The following SLC17A1 variants were observed in gnomAD, a reference collection of about 807,000 sequenced individuals.
SLC17A1 encodes the protein solute carrier family 17 member 1, also known as sodium-dependent phosphate transport protein 1.
SLC17A1 carries 51 observed loss-of-function variants against 53.5 expected under a neutral mutation model. The observed-to-expected ratio is 0.95, with a 90% CI of 0.76 to 1.20. The LOEUF is 1.20. Among genes scored for constraint, SLC17A1 ranks in the 50% most tolerant of loss-of-function variants. The pLI is 0.00. For missense variants in SLC17A1, 538 were observed against 568.2 expected, an observed-to-expected ratio of 0.95 and a Z score of 0.54; for synonymous variants, 179 against 198.8, an observed-to-expected ratio of 0.90 and a Z score of 0.84.
At position 25,819,608 on chromosome 6, in the gene SLC17A1, G is replaced by T. The variant is rs1561840423; in HGVS notation, c.442-10C>A. ...CTGTTGCAACTATCCCCTGAAATGA[G>T]AAAGGTTTGACATTTAATCTCTAAT... On this transcript the variant is annotated splice_polypyrimidine_tract_variant and intron_variant, in intron 4 of 12. Transcript: ENST00000244527. The T allele has an allele frequency of 1.2e-6, 2 of 1,613,362 alleles. No homozygotes were observed. Among genetic ancestry groups the T allele is most frequent in the African/African-American group, 2.7e-5 (2 of 75,024 alleles).
At chr6:25,725,018 A>AGGT in the SLC17A1 span, among the ~76,000 whole-genome samples, 1 of 142,066 alleles carries the variant, frequency 7.0e-6, no homozygotes, top group South Asian at 2.2e-4. Context: ...TAACCAAATG[A>AGGT]TTTTTTTTTT....
the SLC17A1 span, among the ~76,000 whole-genome samples, chr6:25,766,064 AT>A: frequency 6.6e-6 from 1 of 151,208 alleles, no homozygotes; most frequent in Non-Finnish European, 1.5e-5. Context: ...AGGAATTATA[AT>A]TTATAATTAT....
the SLC17A1 span, among the ~76,000 whole-genome samples, chr6:25,763,850 A>G: frequency 6.6e-6 from 1 of 152,218 alleles, no homozygotes; most frequent in East Asian, 1.9e-4. Context: ...CTTTTCCCCC[A>G]GAAGTCCATG....
chr6:25,769,309 G>A, the SLC17A1 span: 1 of 964,616 alleles, frequency 1.0e-6, no homozygotes, highest in Non-Finnish European at 1.5e-6. Flanking sequence ...TATGTGCCAG[G>A]AATGGCACAA....
Position 25,798,880 on chromosome 6 carries a change from C to A in SLC17A1, c.1309G>T (p.Ala437Ser). 6.2e-7 allele frequency: 1 copy of A among 1,604,698 alleles called. No homozygotes were observed. The highest frequency in any genetic ancestry group is 8.5e-7 in the Non-Finnish European group (1 of 1,173,720). Residue 437 changes from alanine to serine, a missense_variant, in exon 12 of 13, where the codon GCA becomes TCA. Ala to Ser is a moderately conservative substitution (Grantham distance 99). Coordinates refer to ENST00000244527, the MANE Select transcript of SLC17A1 (RefSeq NM_005074.5). ...ATTAGGCCAGTCACATTAATGGCTG[C>A]CATCAGGATGAAGGTTTTAAACCAG... The part of the protein sequence containing the change: ...SAWFKTFILM[A>S]AINVTGLIFY...
chr6:25,766,243 G>A, the SLC17A1 span, among the ~76,000 whole-genome samples: 1 of 151,330 alleles, frequency 6.6e-6, no homozygotes, highest in Admixed American at 6.6e-5. Flanking sequence ...AAACAACTAA[G>A]AAATGAAGAA....
At chr6:25,820,708 G>A (rs1004349226) in intron 3 of SLC17A1, among the ~76,000 whole-genome samples, 3 of 151,796 alleles carry the variant, frequency 2.0e-5, no homozygotes, top group African/African-American at 4.8e-5. Context: ...GTGAAACCCC[G>A]TCTCTACTAG....
the SLC17A1 span, chr6:25,768,853 C>A: frequency 1.2e-6 from 1 of 834,228 alleles, no homozygotes. Flanking sequence ...CCACTACACA[C>A]CTACAGAGGA....
chr6:25,748,424 TA>T, the SLC17A1 span, among the ~76,000 whole-genome samples: 1 of 151,892 alleles, frequency 6.6e-6, no homozygotes, highest in Non-Finnish European at 1.5e-5. Context: ...AAAATAGATA[TA>T]TAAAACACCA....
At chr6:25,821,814 T>C (rs1374867545) in intron 3 of SLC17A1, among the ~76,000 whole-genome samples, 1 of 152,186 alleles carries the variant, frequency 6.6e-6, no homozygotes, top group African/African-American at 2.4e-5. Context: ...CACATATAAA[T>C]GTATAAATGA....
chr6:25,726,767 C>T, the SLC17A1 span: 37 of 1,180,518 alleles, frequency 3.1e-5, no homozygotes, highest in Admixed American at 4.6e-5. Context: ...ATCTTTCATC[C>T]TCCAGTTCTG....
rs1763668858 is a variant in SLC17A1 at position 25,798,916 on chromosome 6, G to T, written c.1273C>A (p.Pro425Thr). 2 of 1,558,072 alleles carry T rather than the reference G, an allele frequency of 1.3e-6. No individual in the cohort carries two copies. The highest frequency in any genetic ancestry group is 1.4e-5 in the African/African-American group (1 of 74,062). Residue 425 changes from proline to threonine, a missense_variant, in exon 12 of 13, where the codon CCG becomes ACG. Transcript: ENST00000244527. ...TLTGLILKQD[P>T]ESAWFKTFIL... ...AAGGTTTTAAACCAGGCGGATTCCG[G>T]ATCCTAAGGAATTAAAATTCAAAGT...
the SLC17A1 span, among the ~76,000 whole-genome samples, chr6:25,728,179 A>G: frequency 6.6e-6 from 1 of 152,236 alleles, no homozygotes; most frequent in Non-Finnish European, 1.5e-5. Flanking sequence ...AATAGTTTAG[A>G]GGAAGTTACG....
chr6:25,728,534 C>T, the SLC17A1 span, among the ~76,000 whole-genome samples: 2 of 151,898 alleles, frequency 1.3e-5, no homozygotes, highest in Non-Finnish European at 2.9e-5. Flanking sequence ...AAGTTAGTAC[C>T]GGCCGGCGCG....
At chr6:25,766,609 T>G in the SLC17A1 span, among the ~76,000 whole-genome samples, 4 of 152,306 alleles carry the variant, frequency 2.6e-5, no homozygotes, top group Non-Finnish European at 2.9e-5. Context: ...TAAGAAGTCT[T>G]GTTGACAGTG....
chr6:25,770,590 AG>A, the SLC17A1 span: 1 of 906,608 alleles, frequency 1.1e-6, no homozygotes, highest in African/African-American at 1.6e-5. Context: ...CTTTCCTTAA[AG>A]CACTACCCCA....
chr6:25,779,108 T>C, downstream of SLC17A1: 1 of 1,613,894 alleles, frequency 6.2e-7, no homozygotes, highest in African/African-American at 1.3e-5. Context: ...TGTTAACATA[T>C]CGGGCCTGGT....
At chr6:25,739,605 A>G in the SLC17A1 span, among the ~76,000 whole-genome samples, 1 of 152,220 alleles carries the variant, frequency 6.6e-6, no homozygotes, top group Admixed American at 6.5e-5. Context: ...ATTACTCAGC[A>G]ACAAAAAAGA....
chr6:25,727,506 C>T, the SLC17A1 span, among the ~76,000 whole-genome samples: 1 of 151,686 alleles, frequency 6.6e-6, no homozygotes, highest in African/African-American at 2.4e-5. Context: ...ATTCTCCTGC[C>T]TCAGCCTCCT....
Sources: allele counts gnomAD v4.1 joint callset (sites outside exome capture counted in the v4.1 genomes callset), GRCh38; gene constraint gnomAD v4.1.1; transcripts MANE v1.5; gene names NCBI Gene and HGNC (gene_info 2026-07-23, HGNC 2026-07-21).